Variants in IFT140 observed in about 807,000 individuals in gnomAD.
The protein encoded by IFT140 is intraflagellar transport 140, also known as intraflagellar transport protein 140 homolog.
IFT140 carries 133 observed loss-of-function variants against 164.6 expected under a neutral mutation model. The ratio of observed to expected loss-of-function variants is 0.81; its 90% CI spans 0.70 to 0.93. The LOEUF (loss-of-function observed/expected upper bound fraction) is 0.93. IFT140 is among the 40% of genes least tolerant of loss of function. The pLI is 0.00. For missense variants in IFT140, 2,045 were observed against 1,972.3 expected (o/e 1.04, Z -0.70); for synonymous variants, 860 against 817.3 (o/e 1.05, Z -0.89).
At position 1,523,811 on chromosome 16, in the gene IFT140, C is replaced by T. The variant is rs775238831; in HGVS notation, c.3270+17G>A. On this transcript the variant is annotated intron_variant, in intron 25 of 30. Coordinates refer to ENST00000426508, the MANE Select transcript of IFT140 (RefSeq NM_014714.4). The stretch of plus-strand genomic sequence containing the variant: ...TGCTGCCCCTCCCCCAGGTCCCCAC[C>T]GGTGGCCAGCCCTCACCTTGTGGTA... The T allele has an allele frequency of 2.7e-5, 43 of 1,610,474 alleles. No individual in the cohort carries two copies. The highest frequency in any genetic ancestry group is 2.5e-4 in the Admixed American group (15 of 59,898).
At chr16:1,529,151 G>C (rs531809818) in intron 19 of IFT140, among the ~76,000 whole-genome samples, 1 of 152,158 alleles carries the variant, frequency 6.6e-6, no homozygotes, top group African/African-American at 2.4e-5. Flanking sequence ...ACATGTACTC[G>C]GGTGAATTCC....
At position 1,551,766 on chromosome 16, in the gene IFT140, T is replaced by C. The variant is rs2281230; in HGVS notation, c.2399+6169A>G. On this transcript the variant is annotated intron_variant, in intron 19 of 30. Coordinates refer to ENST00000426508, the MANE Select transcript of IFT140 (RefSeq NM_014714.4). The surrounding 1 kb of genome is among the most constrained non-coding windows in gnomAD (Gnocchi z 4.0). The stretch of plus-strand genomic sequence containing the variant: ...TATACAAAGGAGGCCACACCACACG[T>C]GCGTGGTCCGGCAGATCCGGCAAGA... 0.37 allele frequency among the ~76,000 whole-genome samples: 56,399 copies of C among 152,016 alleles called. 12,416 individuals carry two copies. The highest frequency in any genetic ancestry group is 0.62 in the African/African-American group (25,528 of 41,430).
chr16:1,542,072 G>A (rs773410375), intron 19 of IFT140: 7 of 1,605,320 alleles, frequency 4.4e-6, no homozygotes, highest in East Asian at 2.2e-5. Context: ...CATTCCAACT[G>A]GCGAGTAAGT....
At chr16:1,565,730 G>A (rs1311518326) in intron 16 of IFT140, among the ~76,000 whole-genome samples, 3 of 152,238 alleles carry the variant, frequency 2.0e-5, no homozygotes, top group African/African-American at 4.8e-5. Context: ...AGCACTCAAA[G>A]TTCTCCAAAT....
chr16:1,549,581 G>A (rs1402505697), intron 19 of IFT140, among the ~76,000 whole-genome samples: 3 of 152,180 alleles, frequency 2.0e-5, no homozygotes, highest in Non-Finnish European at 4.4e-5. Context: ...ACAGGTGCCC[G>A]CCACCACGCC....
chr16:1,511,288 G>A, intron 30 of IFT140, 138 bp from the exon 31 acceptor site: 1 of 766,722 alleles, frequency 1.3e-6, no homozygotes, highest in Non-Finnish European at 2.2e-6. Flanking sequence ...GTGCACTGAG[G>A]CTTCCCATTG....
intron 19 of IFT140, among the ~76,000 whole-genome samples, chr16:1,543,497 G>A (rs2141306183): frequency 6.6e-6 from 1 of 152,370 alleles, no homozygotes; most frequent in Non-Finnish European, 1.5e-5. Context: ...CGAGGCTTCA[G>A]TGGAAGAGCA....
rs753101593 is a variant in IFT140 at position 1,587,976 on chromosome 16, C to T, written c.859G>A (p.Glu287Lys). The T allele has an allele frequency of 6.2e-7, 1 of 1,613,856 alleles. No homozygotes were observed. The highest frequency in any genetic ancestry group is 1.1e-5 in the South Asian group (1 of 90,990). The change falls in exon 8 of 31, where the codon GAA (glutamate) becomes AAA (lysine). Residue 287 changes from glutamate (E) to lysine (K), a missense_variant. Glu to Lys is a moderately conservative substitution (Grantham distance 56, BLOSUM62 1). Transcript: ENST00000426508. ...ACGGCCATCACGAGAAGGCTGCCTTCAATCAAAGCGATGTCTGCCCGGCGG... is the reference window on the plus strand; with the variant it reads ...ACGGCCATCACGAGAAGGCTGCCTTTAATCAAAGCGATGTCTGCCCGGCGG... ...TGRRADIALI[E>K]GSLLVMAVGE...
At position 1,551,426 on chromosome 16, in the gene IFT140, G is replaced by A. The variant is rs1209915405; in HGVS notation, c.2399+6509C>T. Among the ~76,000 whole-genome samples the A allele has an allele frequency of 6.6e-6, 1 of 152,182 alleles. No individual in the cohort carries two copies. Among genetic ancestry groups the A allele is most frequent in the Non-Finnish European group, 1.5e-5 (1 of 68,030 alleles). On this transcript the variant is annotated intron_variant, in intron 19 of 30. Transcript: ENST00000426508. The surrounding 1 kb of genome is among the most constrained non-coding windows in gnomAD (Gnocchi z 4.0). ...GGTGGACCCAGTGACTGAGAGGGGT[G>A]GAAAGGGCCACTGGGCCCCAGGGTG...
At chr16:1,552,107 G>A (rs981972626) in intron 19 of IFT140, among the ~76,000 whole-genome samples, 2 of 152,164 alleles carry the variant, frequency 1.3e-5, no homozygotes, top group Non-Finnish European at 2.9e-5. Context: ...TGAATGATGT[G>A]TGGAACTAGA....
At chr16:1,562,204 G>A in intron 17 of IFT140, 88 bp from the exon 18 acceptor site, 1 of 1,197,086 alleles carries the variant, frequency 8.4e-7, no homozygotes, top group Non-Finnish European at 1.1e-6. Flanking sequence ...TACACACACT[G>A]CGTCACGGTG....
chr16:1,586,141 T>A lies in IFT140; in HGVS notation c.1144A>T (p.Thr382Ser). The A allele has an allele frequency of 2.5e-6, 4 of 1,613,232 alleles. No homozygotes were observed. The highest frequency in any genetic ancestry group is 2.5e-6 in the Non-Finnish European group (3 of 1,180,016). ...QTPTELQGNI[T>S]QIQWGSRKNL... is the part of the protein sequence containing the mutation. ...CTTGGAGGCTGTACCTGGATTTGCG[T>A]GATGTTTCCTTGGAGCTCGGTAGGG... Residue 382 changes from threonine (T) to serine (S), a missense_variant, in exon 10 of 31, where the codon ACG becomes TCG. Thr to Ser is a moderately conservative substitution (Grantham distance 58). Transcript: ENST00000426508.
chr16:1,535,217 C>T (rs961768426), intron 19 of IFT140, among the ~76,000 whole-genome samples: 6 of 152,052 alleles, frequency 3.9e-5, no homozygotes, highest in African/African-American at 7.2e-5. Context: ...GGAAAGGAGA[C>T]AGGGAGGCCA....
intron 4 of IFT140, among the ~76,000 whole-genome samples, chr16:1,601,560 G>C (rs138086716): frequency 6.6e-6 from 1 of 152,230 alleles, no homozygotes; most frequent in Admixed American, 6.5e-5. Flanking sequence ...CGTAGCTGGA[G>C]GGAAAGCAGA....
In IFT140 at chr16:1,584,312, C is replaced by T. The variant is rs535201881; in HGVS notation, c.1264G>A (p.Val422Ile). The T allele has an allele frequency of 6.2e-7, 1 of 1,613,742 alleles. No homozygotes were observed. The highest frequency in any genetic ancestry group is 8.5e-7 in the Non-Finnish European group (1 of 1,180,000). The change falls in exon 11 of 31, where the codon GTC (valine) becomes ATC (isoleucine). Residue 422 changes from valine (V) to isoleucine (I), a missense_variant. Val to Ile is a conservative substitution (Grantham distance 29). Coordinates refer to ENST00000426508, the MANE Select transcript of IFT140 (RefSeq NM_014714.4). ...CACACATTCAGCAGACTCGGGGAGA[C>T]CTGCATGGCGGCCACTTGCTGGTGG... ...HFHQQVAAMQ[V>I]SPSLLNVCFL... is the part of the protein sequence containing the mutation.
rs1019259823 is a variant in IFT140 at position 1,568,248 on chromosome 16, C to G, written c.1739G>C (p.Ser580Thr). The change falls in exon 15 of 31, where the codon AGC becomes ACC. Residue 580 changes from serine (S) to threonine (T), a missense_variant. Ser to Thr is a moderately conservative substitution (Grantham distance 58). Transcript: ENST00000426508. ...GGIASLRCSS[S>T]GSTISILPSK... ...GGGGAGGATGCTGATGGTGCTCCCG[C>G]TGCTGCTGCACCGCAGAGAAGCGAT... 5 of 1,610,484 alleles carry G rather than the reference C, an allele frequency of 3.1e-6. No homozygotes were observed. The highest frequency in any genetic ancestry group is 3.4e-6 in the Non-Finnish European group (4 of 1,178,730).
chr16:1,607,969 A>G (rs540227958), intron 2 of IFT140, among the ~76,000 whole-genome samples: 1 of 152,250 alleles, frequency 6.6e-6, no homozygotes, highest in Non-Finnish European at 1.5e-5. Flanking sequence ...AACAAAATAA[A>G]TGCAAACTGC....
intron 13 of IFT140, among the ~76,000 whole-genome samples, chr16:1,575,831 A>G (rs1487926460): frequency 2.6e-5 from 4 of 151,770 alleles, no homozygotes; most frequent in African/African-American, 9.7e-5. Context: ...CTCTCCCAGA[A>G]GCCCATTCAC....
intron 30 of IFT140, among the ~76,000 whole-genome samples, chr16:1,514,037 C>T (rs988619195): frequency 5.3e-5 from 8 of 151,808 alleles, no homozygotes; most frequent in African/African-American, 1.5e-4. Flanking sequence ...TCAGCCACCT[C>T]GAAGCCTGCC....
Sources: allele counts gnomAD v4.1 joint callset (sites outside exome capture counted in the v4.1 genomes callset), GRCh38; gene constraint gnomAD v4.1.1; non-coding constraint Gnocchi (gnomAD v3.1); transcripts MANE v1.5; gene names NCBI Gene and HGNC (gene_info 2026-07-23, HGNC 2026-07-21).